Variants in ADK observed in about 807,000 individuals in gnomAD.
The protein encoded by ADK is adenosine kinase.
Under a neutral mutation model 44.7 loss-of-function variants are expected in ADK, and 24 were observed. The ratio of observed to expected loss-of-function variants is 0.54; its 90% CI spans 0.39 to 0.76. The LOEUF (loss-of-function observed/expected upper bound fraction) is 0.76, where lower values mean the gene tolerates loss of function less well. Ranked by LOEUF, ADK falls within the 30% of genes least tolerant of loss-of-function variation. ADK has a pLI of 0.00. For missense variants in ADK, 321 were observed against 425.1 expected, an observed-to-expected ratio of 0.76 and a Z score of 2.15; for synonymous variants, 128 against 142.6, an observed-to-expected ratio of 0.90 and a Z score of 0.73.
chr10:74,512,621 A>G (rs565841640), intron 6 of ADK, among the ~76,000 whole-genome samples: 7 of 151,056 alleles, frequency 4.6e-5, no homozygotes, highest in Non-Finnish European at 1.0e-4. Flanking sequence ...ATCTTTTGTG[A>G]TGTCTCCTTT....
chr10:74,479,790 T>C (rs1386237210), intron 6 of ADK, among the ~76,000 whole-genome samples: 2 of 152,198 alleles, frequency 1.3e-5, no homozygotes, highest in Non-Finnish European at 2.9e-5. Flanking sequence ...CCTTTGATTC[T>C]CACCTATTAT....
chr10:74,202,318 A>G (rs954153957), intron 2 of ADK, among the ~76,000 whole-genome samples: 2 of 152,212 alleles, frequency 1.3e-5, no homozygotes, highest in Admixed American at 6.5e-5. Flanking sequence ...ATAGTGGACT[A>G]TTCCATTGTG....
chr10:74,211,230 G>A (rs1843801027), intron 2 of ADK, among the ~76,000 whole-genome samples: 1 of 151,948 alleles, frequency 6.6e-6, no homozygotes, highest in African/African-American at 2.4e-5. Flanking sequence ...TTTTTCTACA[G>A]CTTTCAACAT....
At chr10:74,592,933 T>C (rs1851771812) in intron 8 of ADK, among the ~76,000 whole-genome samples, 1 of 152,212 alleles carries the variant, frequency 6.6e-6, no homozygotes, top group East Asian at 1.9e-4. Flanking sequence ...GAGTACTCTA[T>C]AGACTATGTA....
At chr10:74,635,938 A>G (rs986381867) in intron 9 of ADK, among the ~76,000 whole-genome samples, 1 of 148,382 alleles carries the variant, frequency 6.7e-6, no homozygotes, top group African/African-American at 2.5e-5. Context: ...AAAAAAAAAA[A>G]TTAGCTGGGC....
chr10:74,408,432 C>T (rs190552298), intron 6 of ADK, among the ~76,000 whole-genome samples: 412 of 152,288 alleles, frequency 2.7e-3, no homozygotes, highest in African/African-American at 9.4e-3. Flanking sequence ...TTCTCCTTTA[C>T]TTGACCTATT....
chr10:74,257,620 TATG>T (rs1041242510), intron 3 of ADK, among the ~76,000 whole-genome samples: 2 of 152,162 alleles, frequency 1.3e-5, no homozygotes, highest in Non-Finnish European at 2.9e-5. Context: ...ATGACATTCT[TATG>T]GTGGTTTATT....
intron 6 of ADK, among the ~76,000 whole-genome samples, chr10:74,524,758 C>T (rs1848973954): frequency 6.6e-6 from 1 of 152,090 alleles, no homozygotes. Context: ...CTCAGCCAGG[C>T]TCAGTGGTGT....
Position 74,476,009 on chromosome 10 carries a change from G to A in ADK, c.556-49247G>A, listed in dbSNP as rs576560834. Among the ~76,000 whole-genome samples the A allele has an allele frequency of 5.9e-5, 9 of 152,218 alleles. No homozygotes were observed. In the South Asian group the frequency reaches 1.9e-3, roughly 32 times the overall value. On this transcript the variant is annotated intron_variant, in intron 6 of 10. Coordinates refer to ENST00000539909, the MANE Select transcript of ADK (RefSeq NM_006721.4). ...CATTGTATTTAATCCTGTTACCTAT[G>A]TGTGTTTATAATATATATAAAATCG...
chr10:74,336,224 T>C (rs539160523), intron 4 of ADK, among the ~76,000 whole-genome samples: 1 of 152,280 alleles, frequency 6.6e-6, no homozygotes, highest in East Asian at 1.9e-4. Flanking sequence ...GATTATTGTT[T>C]TTTGCTATTG....
intron 3 of ADK, among the ~76,000 whole-genome samples, chr10:74,294,960 A>G (rs1839758608): frequency 6.6e-6 from 1 of 151,962 alleles, no homozygotes; most frequent in Non-Finnish European, 1.5e-5. Context: ...GGTTCAAGTG[A>G]TTCTCCCACC....
chr10:74,557,752 A>G (rs189165887), intron 7 of ADK, among the ~76,000 whole-genome samples: 19 of 152,330 alleles, frequency 1.2e-4, no homozygotes, highest in Admixed American at 6.5e-4. Flanking sequence ...TCAGGAAAGT[A>G]GAAGTTACAG....
chr10:74,238,997 A>ATT (rs1845090913), intron 3 of ADK, among the ~76,000 whole-genome samples: 1 of 151,240 alleles, frequency 6.6e-6, no homozygotes, highest in Admixed American at 6.6e-5. Flanking sequence ...AGTAGCTGGG[A>ATT]TTACAGGGGC....
At chr10:74,493,063 A>G (rs1378553202) in intron 6 of ADK, among the ~76,000 whole-genome samples, 1 of 152,086 alleles carries the variant, frequency 6.6e-6, no homozygotes, top group Non-Finnish European at 1.5e-5. Flanking sequence ...TTTTTTCTGC[A>G]TTTGTTAGTT....
chr10:74,322,038 G>A (rs773783264), intron 4 of ADK, among the ~76,000 whole-genome samples: 3 of 152,114 alleles, frequency 2.0e-5, no homozygotes, highest in Non-Finnish European at 4.4e-5. Context: ...AAGGACTCAT[G>A]TTGTTTATCT....
intron 4 of ADK, among the ~76,000 whole-genome samples, chr10:74,372,629 AC>A (rs1160996815): frequency 1.1e-4 from 16 of 152,298 alleles, no homozygotes; most frequent in Non-Finnish European, 2.1e-4. Context: ...GAAATAATGT[AC>A]TTAAGTATAA....
intron 3 of ADK, among the ~76,000 whole-genome samples, chr10:74,249,022 G>T (rs560583327): frequency 6.6e-6 from 1 of 152,192 alleles, no homozygotes; most frequent in South Asian, 2.1e-4. Flanking sequence ...ATTTTCTGCT[G>T]CTTTTTGCCA....
intron 9 of ADK, among the ~76,000 whole-genome samples, chr10:74,620,636 T>C (rs777884006): frequency 1.3e-5 from 2 of 152,276 alleles, no homozygotes; most frequent in East Asian, 1.9e-4. Flanking sequence ...AAATACCCAA[T>C]AGTGGGATTG....
chr10:74,702,287 G>A (rs752018676), intron 10 of ADK, among the ~76,000 whole-genome samples: 92 of 151,216 alleles, frequency 6.1e-4, no homozygotes, highest in Non-Finnish European at 1.5e-4. Context: ...GGATTCAAGC[G>A]ATTCTCCTGC....
Sources: allele counts gnomAD v4.1 joint callset (sites outside exome capture counted in the v4.1 genomes callset), GRCh38; gene constraint gnomAD v4.1.1; transcripts MANE v1.5; gene names NCBI Gene and HGNC (gene_info 2026-07-23, HGNC 2026-07-21).